SOBP: variants seen among roughly 807,000 people sequenced by gnomAD.
The protein encoded by SOBP is sine oculis binding protein homolog.
Under a neutral mutation model 53.6 loss-of-function variants are expected in SOBP, and 4 were observed. The observed-to-expected ratio is 0.07, with a 90% CI of 0.04 to 0.17. The LOEUF (loss-of-function observed/expected upper bound fraction) is 0.17. Ranked by LOEUF, SOBP falls within the 10% of genes least tolerant of loss-of-function variation. The probability of loss-of-function intolerance (pLI) is 1.00; values close to 1 mark genes in which losing one functional copy is unlikely to be tolerated. For synonymous variants in SOBP, 584 were observed against 522.6 expected, an observed-to-expected ratio of 1.12 and a Z score of -1.60; for missense variants, 1,088 against 1,204.7, an observed-to-expected ratio of 0.90 and a Z score of 1.43.
chr6:107,617,372 G>A (rs1306641576), intron 5 of SOBP, among the ~76,000 whole-genome samples: 1 of 152,148 alleles, frequency 6.6e-6, no homozygotes, highest in African/African-American at 2.4e-5. Flanking sequence ...ATGTGTGAGT[G>A]TGCTGAAAAA....
chr6:107,495,897 T>G (rs1461888402), intron 1 of SOBP, among the ~76,000 whole-genome samples: 1 of 152,058 alleles, frequency 6.6e-6, no homozygotes, highest in Non-Finnish European at 1.5e-5. Context: ...AACTTCCTCT[T>G]GTGGAATGGG....
Position 107,633,573 on chromosome 6 carries a change from G to A in SOBP, c.729G>A (p.Gly243=). The part of the protein sequence containing the change: ...HTKEYLDFGD[G]ERRLQFCSAK... Reference sequence around the variant, plus strand: ...AAGAATACCTGGATTTTGGGGACGGGGAAAGAAGGCTTCAGTTCTGCAGTG... The same window carrying A: ...AAGAATACCTGGATTTTGGGGACGGAGAAAGAAGGCTTCAGTTCTGCAGTG... The change falls in exon 6 of 7, where the codon GGG becomes GGA. Residue 243 remains glycine, a synonymous_variant. Coordinates refer to ENST00000317357, the MANE Select transcript of SOBP (RefSeq NM_018013.4). 6.2e-7 allele frequency: 1 copy of A among 1,614,228 alleles called. No homozygotes were observed. Among genetic ancestry groups the A allele is most frequent in the Non-Finnish European group, 8.5e-7 (1 of 1,180,038 alleles).
chr6:107,574,117 T>C (rs1785156266), intron 4 of SOBP, among the ~76,000 whole-genome samples: 1 of 152,204 alleles, frequency 6.6e-6, no homozygotes, highest in South Asian at 2.1e-4. Context: ...ACACATATAG[T>C]GCATCCTACA....
chr6:107,647,140 G>T (rs1352451508), intron 6 of SOBP, among the ~76,000 whole-genome samples: 1 of 152,142 alleles, frequency 6.6e-6, no homozygotes, highest in Non-Finnish European at 1.5e-5. Flanking sequence ...CTCTGGGCCT[G>T]CATTTTCTCA....
intron 6 of SOBP, among the ~76,000 whole-genome samples, chr6:107,649,028 A>G (rs1030353187): frequency 1.3e-5 from 2 of 151,790 alleles, no homozygotes; most frequent in Non-Finnish European, 1.5e-5. Flanking sequence ...AAAATTTAAA[A>G]ATTAACTGGG....
chr6:107,608,719 C>T (rs1308471524), intron 5 of SOBP, among the ~76,000 whole-genome samples: 16 of 152,168 alleles, frequency 1.1e-4, no homozygotes, highest in Admixed American at 9.8e-4. Context: ...AAGGTCCTCA[C>T]GAGATGAGTT....
intron 4 of SOBP, among the ~76,000 whole-genome samples, chr6:107,543,754 C>T (rs567387597): frequency 6.6e-6 from 1 of 152,236 alleles, no homozygotes; most frequent in East Asian, 1.9e-4. Context: ...GAGAAATAAT[C>T]CAAAGTGGAT....
intron 3 of SOBP, 75 bp from the exon 4 acceptor site, chr6:107,533,384 C>A: frequency 1.3e-6 from 2 of 1,520,474 alleles, no homozygotes; most frequent in South Asian, 2.3e-5. Context: ...GTAGCTCTGT[C>A]AGGTTCAGGG....
At chr6:107,524,651 AG>A (rs1468356212) in intron 3 of SOBP, among the ~76,000 whole-genome samples, 3 of 152,208 alleles carry the variant, frequency 2.0e-5, no homozygotes, top group African/African-American at 7.2e-5. Context: ...GAGGACTAGT[AG>A]GTGTTGGTCA....
chr6:107,493,769 T>C (rs1782633980), intron 1 of SOBP, among the ~76,000 whole-genome samples: 1 of 152,212 alleles, frequency 6.6e-6, no homozygotes. Flanking sequence ...TAGTCACATA[T>C]TTATTTTAAA....
intron 5 of SOBP, among the ~76,000 whole-genome samples, chr6:107,590,211 C>T (rs920216848): frequency 2.6e-5 from 4 of 152,136 alleles, no homozygotes; most frequent in African/African-American, 9.7e-5. Flanking sequence ...TTTTTGAAAG[C>T]CCACTGAGAG....
intron 4 of SOBP, among the ~76,000 whole-genome samples, chr6:107,566,764 CTT>C (rs1029918861): frequency 1.3e-5 from 2 of 152,234 alleles, no homozygotes; most frequent in Admixed American, 1.3e-4. Flanking sequence ...GCTGCAGTCT[CTT>C]GGTGTATTCT....
intron 6 of SOBP, among the ~76,000 whole-genome samples, chr6:107,637,829 GAT>G (rs1241787490): frequency 1.3e-5 from 2 of 152,180 alleles, no homozygotes; most frequent in African/African-American, 4.8e-5. Context: ...CTATTTGGAT[GAT>G]ATATGTTTCT....
chr6:107,656,357 G>GA (rs1772062539), intron 6 of SOBP, among the ~76,000 whole-genome samples: 1 of 30,286 alleles, frequency 3.3e-5, no homozygotes, highest in African/African-American at 6.9e-5. Flanking sequence ...AAGAAAGAAA[G>GA]AAAGAAAGAA....
intron 6 of SOBP, among the ~76,000 whole-genome samples, chr6:107,636,770 C>G (rs566636493): frequency 6.6e-6 from 1 of 152,040 alleles, no homozygotes; most frequent in Non-Finnish European, 1.5e-5. Context: ...GAGTGGATCT[C>G]GTAAGATGAA....
At chr6:107,647,136 G>T (rs779795036) in intron 6 of SOBP, among the ~76,000 whole-genome samples, 2 of 152,122 alleles carry the variant, frequency 1.3e-5, no homozygotes, top group Non-Finnish European at 2.9e-5. Context: ...ACCTCTCTGG[G>T]CCTGCATTTT....
At chr6:107,543,772 T>C (rs1363965120) in intron 4 of SOBP, among the ~76,000 whole-genome samples, 3 of 152,166 alleles carry the variant, frequency 2.0e-5, no homozygotes, top group African/African-American at 7.2e-5. Flanking sequence ...GATTGAAAGA[T>C]AAAAATGTGG....
chr6:107,580,150 G>C (rs2115050477), intron 4 of SOBP, among the ~76,000 whole-genome samples: 1 of 152,338 alleles, frequency 6.6e-6, no homozygotes, highest in South Asian at 2.1e-4. Flanking sequence ...GCAGATGCCT[G>C]GGTCCAGAGA....
chr6:107,505,570 G>A (rs1030223808), intron 2 of SOBP, among the ~76,000 whole-genome samples: 2 of 150,596 alleles, frequency 1.3e-5, no homozygotes, highest in African/African-American at 2.4e-5. Flanking sequence ...TGATTTGCCC[G>A]CCTTGGCTAC....
Sources: allele counts gnomAD v4.1 joint callset (sites outside exome capture counted in the v4.1 genomes callset), GRCh38; gene constraint gnomAD v4.1.1; transcripts MANE v1.5; gene names NCBI Gene and HGNC (gene_info 2026-07-23, HGNC 2026-07-21).